Variants in WWOX observed in about 807,000 individuals in gnomAD.
The protein encoded by WWOX is WW domain-containing oxidoreductase.
In WWOX, 69 loss-of-function variants were observed where a neutral mutation model predicts 46.2. The observed-to-expected ratio is 1.49, with a 90% CI of 1.23 to 1.82. The LOEUF (loss-of-function observed/expected upper bound fraction) is 1.82. WWOX is among the 40% of genes most tolerant of loss of function. The pLI, the probability that WWOX is intolerant of heterozygous loss-of-function variation, is 0.00. For missense variants in WWOX, 919 were observed against 542.6 expected (o/e 1.69, Z -6.89); for synonymous variants, 359 against 202.6 (o/e 1.77, Z -6.56).
intron 8 of WWOX, among the ~76,000 whole-genome samples, chr16:78,667,846 C>G (rs1349420828): frequency 6.6e-6 from 1 of 152,068 alleles, no homozygotes; most frequent in Non-Finnish European, 1.5e-5. Context: ...TCAGTGGTTA[C>G]CAGGCAGTGT....
At chr16:78,262,733 G>A (rs1206473135) in intron 5 of WWOX, among the ~76,000 whole-genome samples, 2 of 152,164 alleles carry the variant, frequency 1.3e-5, no homozygotes, top group Non-Finnish European at 2.9e-5. Context: ...CCCACAGATG[G>A]TCTGTGATGA....
At chr16:78,753,313 C>T (rs774619072) in intron 8 of WWOX, among the ~76,000 whole-genome samples, 2 of 150,918 alleles carry the variant, frequency 1.3e-5, no homozygotes, top group Non-Finnish European at 2.9e-5. Flanking sequence ...AGTGAGACTC[C>T]GTCTCAAAAA....
intron 7 of WWOX, among the ~76,000 whole-genome samples, chr16:78,430,670 G>A (rs1012240283): frequency 6.6e-6 from 1 of 152,126 alleles, no homozygotes; most frequent in African/African-American, 2.4e-5. Context: ...TCTTCCTGTG[G>A]TTTGGGTACT....
intron 8 of WWOX, among the ~76,000 whole-genome samples, chr16:78,929,638 G>A (rs184257795): frequency 6.6e-6 from 1 of 152,138 alleles, no homozygotes; most frequent in Non-Finnish European, 1.5e-5. Context: ...TTCTATTTCT[G>A]GGGTTGGGAT....
chr16:78,932,621 C>G (rs760125582), intron 8 of WWOX, among the ~76,000 whole-genome samples: 11 of 152,222 alleles, frequency 7.2e-5, no homozygotes, highest in Non-Finnish European at 1.5e-4. Context: ...AATTGCTGAC[C>G]TCCCTGAAAG....
intron 8 of WWOX, among the ~76,000 whole-genome samples, chr16:79,097,470 A>G (rs1047217504): frequency 1.3e-4 from 20 of 152,112 alleles, no homozygotes; most frequent in African/African-American, 4.8e-4. Flanking sequence ...CACACATTAC[A>G]AAAGCAAAAT....
rs925143769 is a variant in WWOX, at chr16:78,338,376, A to C, written c.517-48484A>C. Among the ~76,000 whole-genome samples the C allele has an allele frequency of 5.1e-4, 62 of 120,886 alleles. 19 individuals are homozygous for C. Among genetic ancestry groups the C allele is most frequent in the African/African-American group, 1.5e-3 (55 of 35,622 alleles). The allele number at this position is 120,886 out of a possible 152,430, so 79.3% of individuals were successfully genotyped here. On this transcript the variant is annotated intron_variant, in intron 5 of 8. Coordinates refer to ENST00000566780, the MANE Select transcript of WWOX (RefSeq NM_016373.4). ...TAGAGACAAAATTGTTGTTTTCCCCAGTTGTAAAGTGTGCAATATTATCCT... is the reference window on the plus strand; with the variant it reads ...TAGAGACAAAATTGTTGTTTTCCCCCGTTGTAAAGTGTGCAATATTATCCT...
chr16:78,856,258 A>G (rs2052563940), intron 8 of WWOX, among the ~76,000 whole-genome samples: 1 of 152,232 alleles, frequency 6.6e-6, no homozygotes, highest in South Asian at 2.1e-4. Flanking sequence ...GCCTTGCAAC[A>G]GGCCTGGACG....
At chr16:78,661,428 C>T (rs1332189164) in intron 8 of WWOX, among the ~76,000 whole-genome samples, 1 of 152,100 alleles carries the variant, frequency 6.6e-6, no homozygotes, top group African/African-American at 2.4e-5. Context: ...TTCAATACAT[C>T]ACATTGATTT....
chr16:78,988,013 AG>A lies in WWOX; in HGVS notation c.1057-223588del, dbSNP rs553960738. On this transcript the variant is annotated intron_variant, in intron 8 of 8. Transcript: ENST00000566780. ...TAATAACAAAGGGGCTATTTTATAA[AG>A]GGGGGGTGGTCAAGGTGTAGGGAAA... 8.0e-3 allele frequency among the ~76,000 whole-genome samples: 1,214 copies of A among 152,088 alleles called. 15 individuals carry two copies. The highest frequency in any genetic ancestry group is 0.028 in the African/African-American group (1,146 of 41,480).
chr16:78,704,041 A>G (rs1026207289), intron 8 of WWOX, among the ~76,000 whole-genome samples: 1 of 152,124 alleles, frequency 6.6e-6, no homozygotes, highest in Non-Finnish European at 1.5e-5. Flanking sequence ...TCCATCTCCA[A>G]GTGAACTTGA....
intron 8 of WWOX, among the ~76,000 whole-genome samples, chr16:78,510,503 G>T (rs978637129): frequency 2.0e-5 from 3 of 152,050 alleles, no homozygotes; most frequent in African/African-American, 7.2e-5. Flanking sequence ...GTGAGCCACC[G>T]TGCCGGCCAC....
At chr16:78,482,894 T>C (rs750373914) in intron 8 of WWOX, among the ~76,000 whole-genome samples, 42 of 152,164 alleles carry the variant, frequency 2.8e-4, no homozygotes, top group Non-Finnish European at 4.6e-4. Context: ...GTACAATCTG[T>C]TAAAAGGCAT....
At chr16:78,540,020 T>TCACACA (rs71140810) in intron 8 of WWOX, among the ~76,000 whole-genome samples, 11,668 of 132,714 alleles carry the variant, frequency 0.088, 554 homozygotes, top group East Asian at 0.21. Flanking sequence ...TCTCTCTCTC[T>TCACACA]CACACACACA....
At chr16:78,414,384 C>T (rs988756189) in intron 6 of WWOX, among the ~76,000 whole-genome samples, 3 of 152,136 alleles carry the variant, frequency 2.0e-5, no homozygotes, top group South Asian at 2.1e-4. Flanking sequence ...GCCTGGCCAA[C>T]GTGGTGAAAC....
chr16:78,382,125 C>T (rs2081967930), intron 5 of WWOX, among the ~76,000 whole-genome samples: 1 of 152,042 alleles, frequency 6.6e-6, no homozygotes, highest in African/African-American at 2.4e-5. Flanking sequence ...CTGAAACAAG[C>T]CCAGAGAGGT....
At chr16:78,347,942 T>C (rs555162377) in intron 5 of WWOX, among the ~76,000 whole-genome samples, 2 of 122,458 alleles carry the variant, frequency 1.6e-5, no homozygotes, top group South Asian at 4.8e-4. Context: ...TGTTTAACGG[T>C]ATGAAGGCTC....
At chr16:78,775,930 G>C (rs544426730) in intron 8 of WWOX, among the ~76,000 whole-genome samples, 2 of 152,310 alleles carry the variant, frequency 1.3e-5, no homozygotes, top group African/African-American at 4.8e-5. Context: ...AGGTCAGTCA[G>C]TGGCCATCAC....
Position 78,432,563 on chromosome 16 carries a change from G to C in WWOX, c.867G>C (p.Ala289=), listed in dbSNP as rs755002954. 4 of 1,614,162 alleles carry C rather than the reference G, an allele frequency of 2.5e-6. No individual in the cohort carries two copies. The highest frequency in any genetic ancestry group is 2.5e-6 in the Non-Finnish European group (3 of 1,180,004). ...RLSPTKNDYW[A]MLAYNRSKLC... is the part of the protein sequence containing the mutation. ...CTCCAACAAAAAACGACTATTGGGCGATGCTGGCTTATAACAGGTCCAAGC... is the reference window on the plus strand; with the variant it reads ...CTCCAACAAAAAACGACTATTGGGCCATGCTGGCTTATAACAGGTCCAAGC... The change falls in exon 8 of 9, where the codon GCG becomes GCC. Residue 289 remains alanine, a synonymous_variant. Coordinates refer to ENST00000566780, the MANE Select transcript of WWOX (RefSeq NM_016373.4).
Sources: gnomAD v4.1 joint callset for allele counts (sites outside exome capture counted in the v4.1 genomes callset) on GRCh38, gnomAD v4.1.1 for gene constraint, MANE v1.5 for transcripts, NCBI Gene and HGNC (gene_info 2026-07-23, HGNC 2026-07-21) for gene names.